Variants in DNAH12 observed in about 807,000 individuals in gnomAD.
DNAH12 encodes the protein axonemal beta dynein heavy chain 12.
A neutral mutation model predicts 371.5 loss-of-function variants in DNAH12; 285 were observed. The observed-to-expected ratio is 0.77, with a 90% CI of 0.70 to 0.85. The LOEUF (loss-of-function observed/expected upper bound fraction) is 0.85, where lower values mean the gene tolerates loss of function less well. DNAH12 is among the 40% of genes least tolerant of loss of function. The pLI is 0.00. For synonymous variants in DNAH12, 1,200 were observed against 1,213.0 expected (o/e 0.99, Z 0.22); for missense variants, 3,611 against 3,689.4 (o/e 0.98, Z 0.55).
intron 43 of DNAH12, among the ~76,000 whole-genome samples, chr3:57,399,935 T>A (rs960696852): frequency 2.0e-5 from 3 of 152,264 alleles, no homozygotes; most frequent in African/African-American, 7.2e-5. Context: ...AATGTTTATG[T>A]TACCAGTAAG....
intron 12 of DNAH12, among the ~76,000 whole-genome samples, chr3:57,488,427 C>T (rs1413296925): frequency 1.3e-5 from 2 of 151,982 alleles, no homozygotes; most frequent in Admixed American, 6.6e-5. Context: ...CTCCTGACCT[C>T]GTGATTCGCC....
chr3:57,543,895 A>G (rs973274242), intron 1 of DNAH12, among the ~76,000 whole-genome samples: 1 of 151,718 alleles, frequency 6.6e-6, no homozygotes, highest in Non-Finnish European at 1.5e-5. Context: ...AAAAATACAA[A>G]AATTAGCCGG....
At chr3:57,514,907 T>C (rs1239151414) in intron 4 of DNAH12, among the ~76,000 whole-genome samples, 2 of 152,210 alleles carry the variant, frequency 1.3e-5, no homozygotes, top group African/African-American at 4.8e-5. Context: ...AATATTAAAC[T>C]ATGGTGAGGT....
At chr3:57,397,367 C>A (rs1220499380) in intron 43 of DNAH12, among the ~76,000 whole-genome samples, 1 of 152,206 alleles carries the variant, frequency 6.6e-6, no homozygotes, top group South Asian at 2.1e-4. Flanking sequence ...GCTCCTCCCC[C>A]AGCTGGGCAC....
chr3:57,365,786 C>T (rs2063037332), intron 57 of DNAH12, among the ~76,000 whole-genome samples: 1 of 151,462 alleles, frequency 6.6e-6, no homozygotes, highest in African/African-American at 2.4e-5. Context: ...ATCACCTATT[C>T]TGGATATAGT....
intron 60 of DNAH12, among the ~76,000 whole-genome samples, chr3:57,347,114 A>G (rs781803312): frequency 3.9e-5 from 6 of 152,208 alleles, no homozygotes; most frequent in Non-Finnish European, 7.4e-5. Flanking sequence ...AACTGGTTCT[A>G]TGAAGCCAGT....
chr3:57,422,525 G>T (rs960208382), intron 35 of DNAH12, among the ~76,000 whole-genome samples: 68 of 152,250 alleles, frequency 4.5e-4, no homozygotes, highest in African/African-American at 1.6e-3. Context: ...CATACTGGCT[G>T]GGTACAGTGG....
intron 65 of DNAH12, among the ~76,000 whole-genome samples, chr3:57,318,730 C>G (rs1158282973): frequency 6.6e-6 from 1 of 151,594 alleles, no homozygotes; most frequent in Non-Finnish European, 1.5e-5. Flanking sequence ...CCCAAGCATT[C>G]CAGATAAGGA....
At chr3:57,329,598 C>G (rs1488140424) in intron 62 of DNAH12, among the ~76,000 whole-genome samples, 1 of 146,364 alleles carries the variant, frequency 6.8e-6, no homozygotes, top group African/African-American at 2.6e-5. Flanking sequence ...AGACCTAAAA[C>G]CATAAAAACC....
At chr3:57,296,542 T>A (rs1559530169) in intron 71 of DNAH12, 107 bp from the exon 72 acceptor site, 19 of 865,144 alleles carry the variant, frequency 2.2e-5, no homozygotes, top group Non-Finnish European at 2.8e-5. Context: ...CTCTATTGTA[T>A]AATAGCTTGT....
intron 40 of DNAH12, among the ~76,000 whole-genome samples, chr3:57,407,551 G>A (rs1260944633): frequency 1.3e-5 from 2 of 152,250 alleles, no homozygotes; most frequent in East Asian, 3.9e-4. Flanking sequence ...GGATTCTAGG[G>A]AGTTTTCTGC....
At chr3:57,478,992 G>A (rs771191801) in intron 13 of DNAH12, among the ~76,000 whole-genome samples, 13 of 152,156 alleles carry the variant, frequency 8.5e-5, no homozygotes, top group Non-Finnish European at 1.9e-4. Flanking sequence ...AAAGACCATC[G>A]AGGCTAGGAA....
intron 69 of DNAH12, among the ~76,000 whole-genome samples, chr3:57,302,697 T>C (rs2107658097): frequency 6.9e-6 from 1 of 145,554 alleles, no homozygotes; most frequent in South Asian, 2.3e-4. Flanking sequence ...TGCCTCAGCC[T>C]CCTGCGTAAC....
chr3:57,477,901 A>C (rs1181137152), intron 13 of DNAH12, among the ~76,000 whole-genome samples: 2 of 152,190 alleles, frequency 1.3e-5, no homozygotes, highest in Non-Finnish European at 2.9e-5. Context: ...CAGAAAGGAC[A>C]TCTACACCAA....
At chr3:57,464,727 C>T (rs1333254820) in intron 17 of DNAH12, among the ~76,000 whole-genome samples, 1 of 152,110 alleles carries the variant, frequency 6.6e-6, no homozygotes, top group Non-Finnish European at 1.5e-5. Context: ...AAATTCCTAA[C>T]TAGACTGATC....
chr3:57,465,030 T>C (rs139270621), intron 17 of DNAH12, among the ~76,000 whole-genome samples: 52 of 152,294 alleles, frequency 3.4e-4, no homozygotes, highest in African/African-American at 1.2e-3. Flanking sequence ...GGATATGAAG[T>C]ATGTCACAGC....
intron 65 of DNAH12, among the ~76,000 whole-genome samples, chr3:57,319,870 C>A (rs2061766890): frequency 6.6e-6 from 1 of 152,054 alleles, no homozygotes; most frequent in Non-Finnish European, 1.5e-5. Context: ...CAGGCATGAG[C>A]CACCATGCCC....
At chr3:57,494,232 AAAAACAAAAC>A (rs761376612) in intron 11 of DNAH12, among the ~76,000 whole-genome samples, 1 of 150,194 alleles carries the variant, frequency 6.7e-6, no homozygotes, top group Non-Finnish European at 1.5e-5. Context: ...ACCCTGTCTT[AAAAACAAAAC>A]AAAACAAAAC....
At position 57,334,622 on chromosome 3, in the gene DNAH12, A is replaced by T; in HGVS notation, c.9834-13T>A. 1 of 1,529,336 alleles carries T rather than the reference A, an allele frequency of 6.5e-7. No homozygotes were observed. The highest frequency in any genetic ancestry group is 1.3e-5 in the South Asian group (1 of 78,916). 94.7% of individuals were successfully genotyped at this position (1,529,336 alleles called of 1,614,324 possible). On this transcript the variant is annotated splice_polypyrimidine_tract_variant and intron_variant, in intron 61 of 73. Transcript: ENST00000495027. ...ACAAAAATGTTGCCTAATAGAAAAAAGCTTAAGAATTATTCTTTTTATTGG... is the reference window on the plus strand; with the variant it reads ...ACAAAAATGTTGCCTAATAGAAAAATGCTTAAGAATTATTCTTTTTATTGG...
Sources: gnomAD v4.1 joint callset for allele counts (sites outside exome capture counted in the v4.1 genomes callset) on GRCh38, gnomAD v4.1.1 for gene constraint, MANE v1.5 for transcripts, NCBI Gene and HGNC (gene_info 2026-07-23, HGNC 2026-07-21) for gene names.